LRRTM4: variants seen among roughly 807,000 people sequenced by gnomAD.
LRRTM4 encodes leucine rich repeat transmembrane neuronal 4, also known as leucine-rich repeat transmembrane neuronal protein 4.
In LRRTM4, 25 loss-of-function variants were observed where a neutral mutation model predicts 47.6. The observed-to-expected ratio is 0.53, with a 90% CI of 0.38 to 0.73. LRRTM4 has a LOEUF of 0.73. LRRTM4 is among the 30% of genes least tolerant of loss of function. The pLI is 0.00. For synonymous variants in LRRTM4, 311 were observed against 269.5 expected (o/e 1.15, Z -1.51); for missense variants, 638 against 713.4 (o/e 0.89, Z 1.20).
intron 3 of LRRTM4, among the ~76,000 whole-genome samples, chr2:76,802,417 G>A (rs919408923): frequency 1.3e-5 from 2 of 151,944 alleles, no homozygotes; most frequent in African/African-American, 4.8e-5. Context: ...AACCAGTGAG[G>A]TAAAAGATCT....
intron 3 of LRRTM4, among the ~76,000 whole-genome samples, chr2:77,264,527 T>C (rs1306766399): frequency 6.6e-6 from 1 of 152,064 alleles, no homozygotes. Flanking sequence ...GTACACAAAC[T>C]TCAGTCTATA....
At chr2:77,070,201 A>C (rs574563688) in intron 3 of LRRTM4, among the ~76,000 whole-genome samples, 6 of 152,240 alleles carry the variant, frequency 3.9e-5, no homozygotes, top group African/African-American at 1.4e-4. Flanking sequence ...AAATGCCACC[A>C]AATTCATGCT....
intron 3 of LRRTM4, among the ~76,000 whole-genome samples, chr2:76,901,265 T>C (rs1673621105): frequency 1.3e-5 from 2 of 152,162 alleles, no homozygotes; most frequent in South Asian, 2.1e-4. Context: ...TGTGATCTCC[T>C]TGTTCAGCTC....
intron 3 of LRRTM4, among the ~76,000 whole-genome samples, chr2:77,151,918 T>C (rs1410426117): frequency 6.6e-6 from 1 of 152,240 alleles, no homozygotes; most frequent in East Asian, 1.9e-4. Flanking sequence ...TGAAGAAATT[T>C]ACAGCATAAT....
chr2:77,327,438 C>A (rs907258411), intron 3 of LRRTM4, among the ~76,000 whole-genome samples: 1 of 152,110 alleles, frequency 6.6e-6, no homozygotes, highest in Non-Finnish European at 1.5e-5. Flanking sequence ...CAATGAGAAG[C>A]TATTTGGCCA....
At chr2:76,953,664 A>G (rs1179503077) in intron 3 of LRRTM4, among the ~76,000 whole-genome samples, 2 of 151,892 alleles carry the variant, frequency 1.3e-5, no homozygotes, top group Non-Finnish European at 2.9e-5. Flanking sequence ...GCCCTGGACT[A>G]CACATCATAC....
intron 3 of LRRTM4, among the ~76,000 whole-genome samples, chr2:77,039,418 A>G (rs1678951826): frequency 6.6e-6 from 1 of 151,062 alleles, no homozygotes; most frequent in South Asian, 2.1e-4. Context: ...TAAAAAAGTT[A>G]GTGTCAGTTC....
intron 3 of LRRTM4, among the ~76,000 whole-genome samples, chr2:76,814,794 TACACAC>T (rs869279283): frequency 1.3e-5 from 2 of 149,628 alleles, no homozygotes; most frequent in Non-Finnish European, 3.0e-5. Context: ...GGCTTCAAGA[TACACAC>T]ACACATACAC....
chr2:77,178,105 C>T (rs1322300817), intron 3 of LRRTM4, among the ~76,000 whole-genome samples: 1 of 152,068 alleles, frequency 6.6e-6, no homozygotes. Context: ...TTATTAACTG[C>T]TGTATCTTTA....
intron 3 of LRRTM4, among the ~76,000 whole-genome samples, chr2:76,778,960 G>A (rs1223609299): frequency 6.6e-6 from 1 of 150,446 alleles, no homozygotes; most frequent in African/African-American, 2.5e-5. Context: ...GGTATGTTGT[G>A]TCTTTGTTTT....
Position 76,789,487 on chromosome 2 carries a change from A to G in LRRTM4, c.1552-40571T>C, listed in dbSNP as rs1325633227. Reference sequence around the variant, plus strand: ...CTTTGGAGGGCTTCTGGCTTGATAAATACATGAATTAAGAGGAAAATTCAA... The same window carrying G: ...CTTTGGAGGGCTTCTGGCTTGATAAGTACATGAATTAAGAGGAAAATTCAA... On this transcript the variant is annotated intron_variant, in intron 3 of 3. Transcript: ENST00000409884. Among the ~76,000 whole-genome samples the G allele has an allele frequency of 2.0e-5, 3 of 152,212 alleles. No individual in the cohort carries two copies. In the East Asian group the frequency reaches 5.8e-4, roughly 29 times the overall value.
intron 3 of LRRTM4, among the ~76,000 whole-genome samples, chr2:77,372,388 A>C (rs1045321238): frequency 3.3e-5 from 5 of 151,766 alleles, no homozygotes; most frequent in African/African-American, 1.2e-4. Context: ...AATGTTCTCT[A>C]TCTGTTATAC....
intron 3 of LRRTM4, among the ~76,000 whole-genome samples, chr2:77,001,774 A>T (rs17013567): frequency 6.6e-6 from 1 of 152,060 alleles, no homozygotes; most frequent in African/African-American, 2.4e-5. Flanking sequence ...ATGCCCTTGT[A>T]TATAATCTCA....
At chr2:76,861,892 T>C (rs926414118) in intron 3 of LRRTM4, among the ~76,000 whole-genome samples, 1 of 152,068 alleles carries the variant, frequency 6.6e-6, no homozygotes, top group African/African-American at 2.4e-5. Flanking sequence ...AAACAGGAAA[T>C]ACATCAATAC....
chr2:76,894,832 G>C (rs914425381), intron 3 of LRRTM4, among the ~76,000 whole-genome samples: 6 of 150,260 alleles, frequency 4.0e-5, no homozygotes, highest in Non-Finnish European at 8.9e-5. Flanking sequence ...CATATAATAC[G>C]TCTGTTGCAA....
At chr2:76,936,428 G>A (rs1573337021) in intron 3 of LRRTM4, among the ~76,000 whole-genome samples, 1 of 151,634 alleles carries the variant, frequency 6.6e-6, no homozygotes, top group East Asian at 2.0e-4. Flanking sequence ...CACACACTGG[G>A]GCCTGTTGAG....
At chr2:77,142,447 A>G (rs1672150094) in intron 3 of LRRTM4, among the ~76,000 whole-genome samples, 1 of 151,842 alleles carries the variant, frequency 6.6e-6, no homozygotes, top group Admixed American at 6.6e-5. Context: ...ACACACACAC[A>G]CACACACACA....
At chr2:77,388,069 GT>G (rs1477106710) in intron 3 of LRRTM4, among the ~76,000 whole-genome samples, 1 of 151,754 alleles carries the variant, frequency 6.6e-6, no homozygotes, top group East Asian at 1.9e-4. Context: ...TTGTCATTGC[GT>G]GGTAAATTGA....
At chr2:77,019,552 T>C (rs1678193745) in intron 3 of LRRTM4, among the ~76,000 whole-genome samples, 1 of 152,080 alleles carries the variant, frequency 6.6e-6, no homozygotes, top group African/African-American at 2.4e-5. Flanking sequence ...AGGAAATAAA[T>C]TTAAATCCTT....
Sources: allele counts gnomAD v4.1 joint callset (sites outside exome capture counted in the v4.1 genomes callset), GRCh38; gene constraint gnomAD v4.1.1; transcripts MANE v1.5; gene names NCBI Gene and HGNC (gene_info 2026-07-23, HGNC 2026-07-21).